Variants in MED8 observed in about 807,000 individuals in gnomAD.
MED8 encodes mediator complex subunit 8.
In MED8, 22 loss-of-function variants were observed where a neutral mutation model predicts 34.8. The observed-to-expected ratio is 0.63, with a 90% CI of 0.45 to 0.90. The LOEUF is 0.90. MED8 is among the 40% of genes least tolerant of loss of function. The pLI is 0.00. For missense variants in MED8, 260 were observed against 326.3 expected (o/e 0.80, Z 1.57); for synonymous variants, 105 against 120.2 (o/e 0.87, Z 0.83).
chr1:43,384,284 G>T lies in MED8; in HGVS notation c.*758C>A. The T allele has an allele frequency of 1.3e-6, 1 of 794,566 alleles. No homozygotes were observed. Among genetic ancestry groups the T allele is most frequent in the Non-Finnish European group, 1.9e-6 (1 of 533,276 alleles). The allele number at this position is 794,566 out of a possible 1,614,324, so 49.2% of individuals were successfully genotyped here. The stretch of plus-strand genomic sequence containing the variant: ...AATCCAGGGGAAGGGGCTTTTTCGT[G>T]TGCTAAGGAAAAACCCTTTCCCACA... On this transcript the variant is annotated 3_prime_UTR_variant, in exon 7 of 7. Transcript: ENST00000372457.
rs1647758547 is a variant in MED8, at chr1:43,387,012, A to G, written c.271-14T>C. ...TTCAGTCTGCCGCTGTAACACACAGATTTTATTGATCCTACTCTGTACTCC... is the reference window on the plus strand; with the variant it reads ...TTCAGTCTGCCGCTGTAACACACAGGTTTTATTGATCCTACTCTGTACTCC... On this transcript the variant is annotated splice_polypyrimidine_tract_variant and intron_variant, in intron 3 of 6. Coordinates refer to ENST00000372457, the MANE Select transcript of MED8 (RefSeq NM_201542.5). The G allele has an allele frequency of 6.2e-7, 1 of 1,613,516 alleles. No individual in the cohort carries two copies. Among genetic ancestry groups the G allele is most frequent in the Non-Finnish European group, 8.5e-7 (1 of 1,179,674 alleles).
At position 43,384,297 on chromosome 1, in the gene MED8, A is replaced by C; in HGVS notation, c.*745T>G. The C allele has an allele frequency of 5.2e-6, 5 of 956,032 alleles. No homozygotes were observed. Among genetic ancestry groups the C allele is most frequent in the Non-Finnish European group, 7.4e-6 (5 of 673,078 alleles). The allele number at this position is 956,032 out of a possible 1,614,324, so 59.2% of individuals were successfully genotyped here. On this transcript the variant is annotated 3_prime_UTR_variant, in exon 7 of 7. Transcript: ENST00000372457. ...GGGCTTTTTCGTGTGCTAAGGAAAA[A>C]CCCTTTCCCACATAGTCCTGCCTGG... is the stretch of plus-strand genomic sequence containing the variant.
Position 43,384,904 on chromosome 1 carries a change from G to C in MED8, c.*138C>G. On this transcript the variant is annotated 3_prime_UTR_variant, in exon 7 of 7. Transcript: ENST00000372457. ...TTGTCCAAGGTCACACAGCTAGTCA[G>C]TGGTGGAAGTGGGATTTGTCTGCTG... 1 of 1,435,312 alleles carries C rather than the reference G, an allele frequency of 7.0e-7. No individual in the cohort carries two copies. The highest frequency in any genetic ancestry group is 1.5e-5 in the South Asian group (1 of 66,758). The allele number at this position is 1,435,312 out of a possible 1,614,324, so 88.9% of individuals were successfully genotyped here. A position where few individuals can be genotyped will look rare whatever the true frequency, so the allele number is the denominator to read the frequency against.
intron 1 of MED8, 33 bp downstream of exon 1, chr1:43,389,726 G>A: frequency 4.4e-6 from 7 of 1,601,972 alleles, no homozygotes; most frequent in Non-Finnish European, 6.0e-6. Flanking sequence ...CCCGAAGCTT[G>A]CCAGCCGCTA....
Position 43,384,928 on chromosome 1 carries a change from T to C in MED8, c.*114A>G. On this transcript the variant is annotated 3_prime_UTR_variant, in exon 7 of 7. Coordinates refer to ENST00000372457, the MANE Select transcript of MED8 (RefSeq NM_201542.5). Reference sequence around the variant, plus strand: ...AGTGGTGGAAGTGGGATTTGTCTGCTGCTGAAAGCCCATGTTCTTTTTATT... The same window carrying C: ...AGTGGTGGAAGTGGGATTTGTCTGCCGCTGAAAGCCCATGTTCTTTTTATT... The C allele has an allele frequency of 6.9e-7, 1 of 1,452,946 alleles. No individual in the cohort carries two copies. The highest frequency in any genetic ancestry group is 9.1e-7 in the Non-Finnish European group (1 of 1,103,420). The allele number at this position is 1,452,946 out of a possible 1,614,324, so 90.0% of individuals were successfully genotyped here. A position where few individuals can be genotyped will look rare whatever the true frequency, so the allele number is the denominator to read the frequency against.
chr1:43,387,366 C>A, intron 3 of MED8, 137 bp downstream of exon 3: 1 of 1,183,260 alleles, frequency 8.5e-7, no homozygotes, highest in South Asian at 1.6e-5. Flanking sequence ...GAGTGGCTCT[C>A]CCGCCTTCAG....
In MED8 at chr1:43,388,426, T is replaced by C. The variant is rs187807383; in HGVS notation, c.9A>G (p.Arg3=). ...ATGATGCCTCAAGCTGCTTCTCCTC[T>C]CTCTGCACCAATAGGAACAGGTTGG... The part of the protein sequence containing the change: MQ[R]EEKQLEASLD... Residue 3 remains arginine (R), a splice_region_variant and synonymous_variant, in exon 2 of 7, where the codon AGA becomes AGG. Transcript: ENST00000372457. 5 of 1,613,332 alleles carry C rather than the reference T, an allele frequency of 3.1e-6. No individual in the cohort carries two copies. Among genetic ancestry groups the C allele is most frequent in the Admixed American group, 3.3e-5 (2 of 60,024 alleles).
chr1:43,385,140 A>C (rs1647683504), intron 6 of MED8, 34 bp from the exon 7 acceptor site: 2 of 1,549,482 alleles, frequency 1.3e-6, no homozygotes, highest in Non-Finnish European at 1.7e-6. Flanking sequence ...ATCTTAAGCA[A>C]GGTAAGACTT....
intron 6 of MED8, chr1:43,385,453 GT>G (rs1647695995): frequency 4.0e-6 from 1 of 248,300 alleles, no homozygotes; most frequent in Non-Finnish European, 7.8e-6. Flanking sequence ...CTCTTTAATT[GT>G]CCCTTTTCCT....
chr1:43,387,727 G>T, intron 2 of MED8, 80 bp from the exon 3 acceptor site: 1 of 1,504,526 alleles, frequency 6.6e-7, no homozygotes, highest in Non-Finnish European at 9.2e-7. Flanking sequence ...GTTCCTTCAG[G>T]CTAGGAACAC....
Position 43,386,221 on chromosome 1 carries a change from G to A in MED8, c.499C>T (p.Arg167Trp), listed in dbSNP as rs764188540. 1.2e-5 allele frequency: 19 copies of A among 1,612,200 alleles called. No homozygotes were observed. In the East Asian group the frequency reaches 1.8e-4, roughly 15 times the overall value. Residue 167 changes from arginine to tryptophan, a missense_variant, in exon 6 of 7, where the codon CGG becomes TGG. By Grantham distance (101) the Arg-to-Trp change is moderately radical. Coordinates refer to ENST00000372457, the MANE Select transcript of MED8 (RefSeq NM_201542.5). The surrounding 1 kb of genome is among the most constrained non-coding windows in gnomAD (Gnocchi z 4.9). Reference protein sequence around the residue: ...EERESESGGLRPNKQTFNPTD... With the variant: ...EERESESGGLWPNKQTFNPTD... ...GGGTTAAAGGTCTGCTTGTTCGGCC[G>A]GAGACCTGAAGAAAAAGTAATGGGG... is the stretch of plus-strand genomic sequence containing the variant.
intron 1 of MED8, 199 bp from the exon 2 acceptor site, chr1:43,388,627 CCT>C: frequency 1.3e-6 from 1 of 793,254 alleles, no homozygotes; most frequent in Non-Finnish European, 1.9e-6. Context: ...AACCTGTTTG[CCT>C]GACCCCAAGT....
rs536330182 is a variant in MED8 at position 43,384,211 on chromosome 1, T to C, written c.*831A>G. On this transcript the variant is annotated 3_prime_UTR_variant, in exon 7 of 7. Transcript: ENST00000372457. ...CATTATGAGGTCAACTAAACCCTGA[T>C]GGCAGTGTGAAGTGCAATTCCCTTC... is the stretch of plus-strand genomic sequence containing the variant. The C allele has an allele frequency of 1.2e-5, 5 of 431,220 alleles. No homozygotes were observed. Among genetic ancestry groups the C allele is most frequent in the African/African-American group, 8.2e-5 (4 of 48,536 alleles). The allele number at this position is 431,220 out of a possible 1,614,324, so 26.7% of individuals were successfully genotyped here. A position where few individuals can be genotyped will look rare whatever the true frequency, so the allele number is the denominator to read the frequency against.
At chr1:43,387,087 T>G in intron 3 of MED8, 89 bp from the exon 4 acceptor site, 7 of 1,526,212 alleles carry the variant, frequency 4.6e-6, no homozygotes, top group Non-Finnish European at 6.2e-6. Context: ...AGGCAAACAG[T>G]GCATTTTCAA....
chr1:43,386,465 A>G lies in MED8; in HGVS notation c.493+124T>C. On this transcript the variant is annotated intron_variant, in intron 5 of 6. Coordinates refer to ENST00000372457, the MANE Select transcript of MED8 (RefSeq NM_201542.5). This position sits in a 1 kb window ranked among gnomAD's most constrained non-coding sequence, Gnocchi z 4.9. ...GCCTTAAATACAAAAGGCTAACAGA[A>G]TGGATACAAACCCCAAAGCAGTTCA... The G allele has an allele frequency of 8.5e-7, 1 of 1,169,674 alleles. No individual in the cohort carries two copies. Among genetic ancestry groups the G allele is most frequent in the Non-Finnish European group, 1.2e-6 (1 of 821,942 alleles). 72.5% of individuals were successfully genotyped at this position (1,169,674 alleles called of 1,614,324 possible). A position where few individuals can be genotyped will look rare whatever the true frequency, so the allele number is the denominator to read the frequency against.
chr1:43,384,817 C>A lies in MED8; in HGVS notation c.*225G>T, dbSNP rs1332477195. The A allele has an allele frequency of 2.2e-6, 3 of 1,379,018 alleles. No individual in the cohort carries two copies. The highest frequency in any genetic ancestry group is 1.6e-5 in the South Asian group (1 of 63,256). 85.4% of individuals were successfully genotyped at this position (1,379,018 alleles called of 1,614,324 possible). A position where few individuals can be genotyped will look rare whatever the true frequency, so the allele number is the denominator to read the frequency against. On this transcript the variant is annotated 3_prime_UTR_variant, in exon 7 of 7. Transcript: ENST00000372457. ...TCCTCATTTTAATCCTCACAACAAC[C>A]CTATGAGGTAGGTATTATCACCATT...
chr1:43,384,713 G>A lies in MED8; in HGVS notation c.*329C>T. The A allele has an allele frequency of 1.4e-6, 2 of 1,441,816 alleles. No homozygotes were observed. Among genetic ancestry groups the A allele is most frequent in the Admixed American group, 3.0e-5 (1 of 33,436 alleles). 89.3% of individuals were successfully genotyped at this position (1,441,816 alleles called of 1,614,324 possible). On this transcript the variant is annotated 3_prime_UTR_variant, in exon 7 of 7. Coordinates refer to ENST00000372457, the MANE Select transcript of MED8 (RefSeq NM_201542.5). ...TGGATCAAGGACTGTGGAGGGTGGT[G>A]GGGAGAAGGATCTGTAGAAACTATC...
rs1428122500 is a variant in MED8 at position 43,387,650 on chromosome 1, G to T, written c.126-3C>A. The T allele has an allele frequency of 4.3e-6, 7 of 1,613,880 alleles. No homozygotes were observed. The South Asian group carries it at 7.7e-5, about 18-fold the overall frequency. ...CAAAGCTGTCCAGGACAGATGGCCTGGTGGTGGTAACAAGGTGTAAGAATG... is the reference window on the plus strand; with the variant it reads ...CAAAGCTGTCCAGGACAGATGGCCTTGTGGTGGTAACAAGGTGTAAGAATG... On this transcript the variant is annotated splice_polypyrimidine_tract_variant and splice_region_variant and intron_variant, in intron 2 of 6. Coordinates refer to ENST00000372457, the MANE Select transcript of MED8 (RefSeq NM_201542.5).
chr1:43,387,586 A>G lies in MED8; in HGVS notation c.187T>C (p.Leu63=). 6.2e-7 allele frequency: 1 copy of G among 1,614,056 alleles called. No homozygotes were observed. The highest frequency in any genetic ancestry group is 2.2e-5 in the East Asian group (1 of 44,888). The part of the protein sequence containing the change: ...SGQLNTLNKV[L]KHEKTPLFRN... ...AACAGCGGTGTTTTTTCATGCTTCA[A>G]GACCTTGTTCAGAGTGTTCAGCTGT... The change falls in exon 3 of 7, where the codon TTG becomes CTG. Residue 63 remains leucine (L), a synonymous_variant. Coordinates refer to ENST00000372457, the MANE Select transcript of MED8 (RefSeq NM_201542.5).
Sources: allele counts gnomAD v4.1 joint callset, GRCh38; gene constraint gnomAD v4.1.1; non-coding constraint Gnocchi (gnomAD v3.1); transcripts MANE v1.5; gene names NCBI Gene and HGNC (gene_info 2026-07-23, HGNC 2026-07-21).